Variants in NSUN6 observed in about 807,000 individuals in gnomAD.
NSUN6 encodes NOP2/Sun RNA methyltransferase 6.
Under a neutral mutation model 58.0 loss-of-function variants are expected in NSUN6, and 64 were observed. That is an observed-to-expected ratio of 1.10 (90% CI 0.90 to 1.36). The LOEUF (loss-of-function observed/expected upper bound fraction) is 1.36. NSUN6 is among the 40% of genes most tolerant of loss of function. The pLI, the probability that NSUN6 is intolerant of heterozygous loss-of-function variation, is 0.00. For missense variants in NSUN6, 701 were observed against 550.1 expected (o/e 1.27, Z -2.74); for synonymous variants, 231 against 193.9 (o/e 1.19, Z -1.59).
intron 3 of NSUN6, among the ~76,000 whole-genome samples, chr10:18,625,720 TAAAAAAAAAAAAAAAAA>T (rs71402188): frequency 1.0e-3 from 56 of 53,814 alleles, no homozygotes; most frequent in Non-Finnish European, 1.3e-3. Flanking sequence ...GTTTTTTTTT[TAAAAAAAAAAAAAAAAA>T]AAAAAAAAAA....
At chr10:18,577,839 C>T (rs2056728225) in intron 8 of NSUN6, among the ~76,000 whole-genome samples, 1 of 152,212 alleles carries the variant, frequency 6.6e-6, no homozygotes, top group Non-Finnish European at 1.5e-5. Flanking sequence ...CGCCAAACCA[C>T]TCACCCTGTC....
chr10:18,658,641 A>T (rs1564860261), upstream of NSUN6: 1 of 979,892 alleles, frequency 1.0e-6, no homozygotes, highest in East Asian at 1.1e-4. Flanking sequence ...ATTATTAATC[A>T]CATAACTGAA....
At chr10:18,577,708 C>A (rs1394488574) in intron 8 of NSUN6, among the ~76,000 whole-genome samples, 1 of 152,186 alleles carries the variant, frequency 6.6e-6, no homozygotes, top group Non-Finnish European at 1.5e-5. Flanking sequence ...ATGTTCAATT[C>A]TTGGCCTTCT....
chr10:18,559,244 T>TGGAAAATGTAAC (rs1208564457), intron 8 of NSUN6, among the ~76,000 whole-genome samples: 3 of 149,178 alleles, frequency 2.0e-5, no homozygotes, highest in Non-Finnish European at 4.5e-5. Flanking sequence ...GGGAATGGAA[T>TGGAAAATGTAAC]GGAGAATGTA....
intron 8 of NSUN6, among the ~76,000 whole-genome samples, chr10:18,556,430 C>A (rs12768106): frequency 2.2e-5 from 3 of 137,222 alleles, no homozygotes; most frequent in Admixed American, 7.5e-5. Context: ...GAATGGAGAA[C>A]TGAATGGAAT....
intron 3 of NSUN6, among the ~76,000 whole-genome samples, chr10:18,631,929 G>A (rs1275924314): frequency 2.0e-5 from 3 of 152,082 alleles, no homozygotes; most frequent in Non-Finnish European, 2.9e-5. Flanking sequence ...GGAACCAAAA[G>A]AGAGCCCACA....
chr10:18,558,239 A>G (rs1468003349), intron 8 of NSUN6, among the ~76,000 whole-genome samples: 1 of 150,868 alleles, frequency 6.6e-6, no homozygotes, highest in Non-Finnish European at 1.5e-5. Flanking sequence ...AATGGGGAGT[A>G]GTATGGAGTG....
Position 18,585,953 on chromosome 10 carries a change from T to C in NSUN6, c.918A>G (p.Thr306=), listed in dbSNP as rs558308606. The C allele has an allele frequency of 1.1e-4, 183 of 1,596,064 alleles. No individual in the cohort carries two copies. The highest frequency in any genetic ancestry group is 3.4e-4 in the Middle Eastern group (2 of 5,958). Residue 306 remains threonine (T), a synonymous_variant, in exon 8 of 11, where the codon ACA becomes ACG. Coordinates refer to ENST00000377304, the MANE Select transcript of NSUN6 (RefSeq NM_182543.5). ...AAGAAAATCAAAATAGCTCACCTTC[T>C]GTGTCCTCCACCATATCAAGTTTAA... The part of the protein sequence containing the change: ...KAVKLDMVED[T]EGEPPFLPES...
intron 8 of NSUN6, among the ~76,000 whole-genome samples, chr10:18,558,322 A>AATGGAATGGAGAACG: frequency 6.8e-6 from 1 of 146,972 alleles, no homozygotes; most frequent in East Asian, 2.0e-4. Context: ...AATGGAGAAC[A>AATGGAATGGAGAACG]GAATGGAATG....
At chr10:18,596,058 C>T in intron 7 of NSUN6, 150 bp downstream of exon 7, 1 of 610,604 alleles carries the variant, frequency 1.6e-6, no homozygotes. Context: ...GTCTACTGAG[C>T]TTAATATGTA....
intron 6 of NSUN6, among the ~76,000 whole-genome samples, chr10:18,598,369 C>G (rs2057678626): frequency 6.6e-6 from 1 of 152,218 alleles, no homozygotes; most frequent in South Asian, 2.1e-4. Flanking sequence ...GTTTGGTGGT[C>G]TCTTCACATG....
At chr10:18,587,550 G>A (rs2057208496) in intron 7 of NSUN6, among the ~76,000 whole-genome samples, 1 of 152,152 alleles carries the variant, frequency 6.6e-6, no homozygotes, top group Non-Finnish European at 1.5e-5. Context: ...CGAGACCAAT[G>A]CAGAACGTGA....
At chr10:18,629,093 A>C (rs377319925) in intron 3 of NSUN6, among the ~76,000 whole-genome samples, 232 of 152,250 alleles carry the variant, frequency 1.5e-3, no homozygotes, top group Middle Eastern at 0.014. Context: ...GAGTGGGGGC[A>C]AATATTCAAC....
chr10:18,645,313 T>A (rs938412563), intron 2 of NSUN6, among the ~76,000 whole-genome samples: 4 of 152,170 alleles, frequency 2.6e-5, no homozygotes, highest in Non-Finnish European at 5.9e-5. Flanking sequence ...GTATATAAAC[T>A]GTTTCCTGCA....
chr10:18,572,921 CTCCAT>C (rs1422233604), intron 8 of NSUN6, among the ~76,000 whole-genome samples: 5 of 149,902 alleles, frequency 3.3e-5, no homozygotes, highest in East Asian at 2.0e-4. Context: ...CCATTCCATC[CTCCAT>C]TCCATTCCAT....
intron 6 of NSUN6, among the ~76,000 whole-genome samples, chr10:18,597,600 T>C (rs2057641917): frequency 6.6e-6 from 1 of 151,950 alleles, no homozygotes; most frequent in Non-Finnish European, 1.5e-5. Flanking sequence ...AGAAACCCCA[T>C]CTCTACTAAA....
At chr10:18,579,300 A>C (rs1355697615) in intron 8 of NSUN6, among the ~76,000 whole-genome samples, 1 of 151,944 alleles carries the variant, frequency 6.6e-6, no homozygotes, top group African/African-American at 2.4e-5. Context: ...CCTCCTGAGT[A>C]GCTGGGACTA....
At position 18,563,116 on chromosome 10, in the gene NSUN6, T is replaced by A. The variant is rs370899093; in HGVS notation, c.923-11145A>T. 1.1e-4 allele frequency among the ~76,000 whole-genome samples: 16 copies of A among 143,728 alleles called. No homozygotes were observed. In the East Asian group the frequency reaches 2.9e-3, roughly 26 times the overall value. 94.3% of individuals were successfully genotyped at this position (143,728 alleles called of 152,430 possible). A position where few individuals can be genotyped will look rare whatever the true frequency, so the allele number is the denominator to read the frequency against. ...GAATGGAATGGAATGGAGAATGGAGTAGAATAGAATGGAGATTGAACTGGA... is the reference window on the plus strand; with the variant it reads ...GAATGGAATGGAATGGAGAATGGAGAAGAATAGAATGGAGATTGAACTGGA... On this transcript the variant is annotated intron_variant, in intron 8 of 10. Coordinates refer to ENST00000377304, the MANE Select transcript of NSUN6 (RefSeq NM_182543.5).
intron 3 of NSUN6, among the ~76,000 whole-genome samples, chr10:18,632,876 T>C (rs1214527638): frequency 6.6e-6 from 1 of 152,174 alleles, no homozygotes; most frequent in Non-Finnish European, 1.5e-5. Context: ...GAACTAGAAA[T>C]ACCATTTGAC....
Sources: allele counts gnomAD v4.1 joint callset (sites outside exome capture counted in the v4.1 genomes callset), GRCh38; gene constraint gnomAD v4.1.1; transcripts MANE v1.5; gene names NCBI Gene and HGNC (gene_info 2026-07-23, HGNC 2026-07-21).